The following FLYWCH1 variants were observed in gnomAD, a reference collection of about 807,000 sequenced individuals.
The protein encoded by FLYWCH1 is FLYWCH-type zinc finger 1, also known as FLYWCH-type zinc finger-containing protein 1.
In FLYWCH1, 75 loss-of-function variants were observed where a neutral mutation model predicts 66.4. The observed-to-expected ratio is 1.13, with a 90% CI of 0.94 to 1.37. The LOEUF is 1.37. Among genes scored for constraint, FLYWCH1 ranks in the 40% most tolerant of loss-of-function variants. The probability of loss-of-function intolerance (pLI) is 0.00; values close to 1 mark genes in which losing one functional copy is unlikely to be tolerated. For missense variants in FLYWCH1, 1,334 were observed against 1,001.8 expected (o/e 1.33, Z -4.48); for synonymous variants, 595 against 429.9 (o/e 1.38, Z -4.75).
intron 2 of FLYWCH1, chr16:2,922,564 T>C (rs1482904212): frequency 3.2e-6 from 1 of 313,578 alleles, no homozygotes; most frequent in East Asian, 9.8e-5. Flanking sequence ...AATCAGACAG[T>C]GTTTGTCCCC....
chr16:2,933,597 T>G lies in FLYWCH1; in HGVS notation c.1249+15T>G. 2 of 1,575,438 alleles carry G rather than the reference T, an allele frequency of 1.3e-6. No individual in the cohort carries two copies. Among genetic ancestry groups the G allele is most frequent in the South Asian group, 1.2e-5 (1 of 84,544 alleles). ...CGCAGACCCGGGTGAGCTGCCTTCC[T>G]TTGGGGCTCACCGGCCCTGCCTTGA... On this transcript the variant is annotated intron_variant, in intron 5 of 9. Coordinates refer to ENST00000253928, the MANE Select transcript of FLYWCH1 (RefSeq NM_001308068.2).
chr16:2,933,981 T>G lies in FLYWCH1; in HGVS notation c.1513+2T>G. ...ACACGGCGCAGCGGGGGAGCCCAGG[T>G]ACCTGGGGGTGGGCTGGGAGCTGGG... On this transcript the variant is annotated splice_donor_variant, in intron 6 of 9. Coordinates refer to ENST00000253928, the MANE Select transcript of FLYWCH1 (RefSeq NM_001308068.2). LOFTEE classifies it high-confidence loss of function. The G allele has an allele frequency of 6.6e-7, 1 of 1,521,584 alleles. No individual in the cohort carries two copies. The highest frequency in any genetic ancestry group is 8.8e-7 in the Non-Finnish European group (1 of 1,131,722). The allele number at this position is 1,521,584 out of a possible 1,614,324, so 94.3% of individuals were successfully genotyped here. A position where few individuals can be genotyped will look rare whatever the true frequency, so the allele number is the denominator to read the frequency against.
At chr16:2,922,974 T>C in intron 2 of FLYWCH1, 1 of 516,578 alleles carries the variant, frequency 1.9e-6, no homozygotes, top group Non-Finnish European at 3.8e-6. Flanking sequence ...AGTCGCAGTG[T>C]CTTGGGCTGC....
At chr16:2,947,844 G>C (rs147473417) in intron 9 of FLYWCH1, among the ~76,000 whole-genome samples, 64 of 151,140 alleles carry the variant, frequency 4.2e-4, no homozygotes, top group African/African-American at 1.4e-3. Context: ...ACCAGCTTGA[G>C]CAACACAGGG....
intron 6 of FLYWCH1, chr16:2,936,320 C>T (rs967255783): frequency 8.1e-5 from 36 of 446,252 alleles, no homozygotes; most frequent in African/African-American, 2.2e-4. Flanking sequence ...TCTTCTGTCT[C>T]GTGGTCCCCA....
chr16:2,921,447 C>T (rs760143447), intron 2 of FLYWCH1, among the ~76,000 whole-genome samples: 4 of 151,972 alleles, frequency 2.6e-5, no homozygotes, highest in East Asian at 1.9e-4. Flanking sequence ...GGCATCCATC[C>T]GGTGCTTGGG....
At chr16:2,943,499 A>G (rs1790914078) in intron 9 of FLYWCH1, 1 of 151,472 alleles carries the variant, frequency 6.6e-6, no homozygotes, top group South Asian at 2.1e-4. Flanking sequence ...ATACCAGATC[A>G]GTAGAGAAAA....
intron 2 of FLYWCH1, among the ~76,000 whole-genome samples, chr16:2,919,151 C>T (rs539158797): frequency 6.6e-5 from 10 of 151,670 alleles, no homozygotes; most frequent in South Asian, 2.1e-4. Context: ...GATCTCCTGA[C>T]GTTGTGATCC....
intron 6 of FLYWCH1, chr16:2,936,843 C>CGCA (rs1567343279): frequency 9.6e-6 from 6 of 621,878 alleles, no homozygotes; most frequent in South Asian, 9.3e-5. Flanking sequence ...GGACGAGTGA[C>CGCA]GCAGCAGACA....
chr16:2,929,301 G>A (rs2070677256), intron 2 of FLYWCH1, among the ~76,000 whole-genome samples: 1 of 152,176 alleles, frequency 6.6e-6, no homozygotes. Flanking sequence ...TGGAAACGCG[G>A]GTGGAAACCC....
At chr16:2,928,711 C>CT (rs1182282769) in intron 2 of FLYWCH1, 1 of 151,500 alleles carries the variant, frequency 6.6e-6, no homozygotes, top group Non-Finnish European at 1.5e-5. Context: ...ATCTCTCTCT[C>CT]TTTTCCCCAC....
chr16:2,922,726 T>C (rs1040389013), intron 2 of FLYWCH1: 3 of 502,046 alleles, frequency 6.0e-6, no homozygotes, highest in African/African-American at 5.9e-5. Flanking sequence ...ACATGTGCCT[T>C]CTTCTCTCCA....
chr16:2,925,578 G>GT (rs1348639459), intron 2 of FLYWCH1, among the ~76,000 whole-genome samples: 2 of 134,344 alleles, frequency 1.5e-5, no homozygotes, highest in Non-Finnish European at 3.2e-5. Context: ...GAGTTGCGGG[G>GT]GGAGGGGGGT....
At chr16:2,936,942 C>T (rs992553122) in intron 6 of FLYWCH1, 179 bp from the exon 7 acceptor site, 5 of 833,438 alleles carry the variant, frequency 6.0e-6, no homozygotes, top group South Asian at 3.4e-5. Context: ...AGGAGGCGGA[C>T]CCCAGCAGCT....
rs1360861162 is a variant in FLYWCH1 at position 2,937,350 on chromosome 16, G to C, written c.1743G>C (p.Glu581Asp). ...LGGLEALRQREHFPNLAQWDS... is the reference protein window; with the variant it reads ...LGGLEALRQRDHFPNLAQWDS... ...GCCTGGAGGCCCTGCGGCAGCGGGA[G>C]CACTTCCCCAACCTGGCGCAGTGGG... Residue 581 changes from glutamate (E) to aspartate (D), a missense_variant, in exon 7 of 10, where the codon GAG (glutamate) becomes GAC (aspartate). Coordinates refer to ENST00000253928, the MANE Select transcript of FLYWCH1 (RefSeq NM_001308068.2). 8.2e-6 allele frequency: 13 copies of C among 1,591,554 alleles called. No individual in the cohort carries two copies. In the Admixed American group the frequency reaches 2.2e-4, roughly 27 times the overall value.
chr16:2,948,455 C>T (rs565508232), intron 9 of FLYWCH1, among the ~76,000 whole-genome samples: 4 of 151,400 alleles, frequency 2.6e-5, no homozygotes, highest in African/African-American at 9.7e-5. Context: ...CCCAGCTACT[C>T]AGGAGGCTGA....
chr16:2,925,133 A>C (rs2070512932), intron 2 of FLYWCH1, among the ~76,000 whole-genome samples: 1 of 152,230 alleles, frequency 6.6e-6, no homozygotes, highest in South Asian at 2.1e-4. Flanking sequence ...CAGCCTGCAT[A>C]GTCTGGGAGG....
At chr16:2,937,619 G>C (rs575357456) in intron 7 of FLYWCH1, among the ~76,000 whole-genome samples, 1 of 152,290 alleles carries the variant, frequency 6.6e-6, no homozygotes, top group East Asian at 1.9e-4. Context: ...CTCTCTAGAG[G>C]AAGAGGATGG....
At chr16:2,925,581 A>AC (rs529546264) in intron 2 of FLYWCH1, among the ~76,000 whole-genome samples, 2 of 83,568 alleles carry the variant, frequency 2.4e-5, no homozygotes, top group East Asian at 8.7e-4. Context: ...TTGCGGGGGG[A>AC]GGGGGGTACG....
Sources: allele counts gnomAD v4.1 joint callset (sites outside exome capture counted in the v4.1 genomes callset), GRCh38; gene constraint gnomAD v4.1.1; transcripts MANE v1.5; gene names NCBI Gene and HGNC (gene_info 2026-07-23, HGNC 2026-07-21).